The following STRN variants were observed in gnomAD, a reference collection of about 807,000 sequenced individuals.
STRN encodes striatin.
In STRN, 53 loss-of-function variants were observed where a neutral mutation model predicts 96.3. The observed-to-expected ratio is 0.55, with a 90% CI of 0.44 to 0.69. The LOEUF (loss-of-function observed/expected upper bound fraction) is 0.69, where lower values mean the gene tolerates loss of function less well. STRN is among the 30% of genes least tolerant of loss of function. STRN has a pLI of 0.00. For synonymous variants in STRN, 428 were observed against 355.9 expected (o/e 1.20, Z -2.28); for missense variants, 987 against 963.9 (o/e 1.02, Z -0.32).
At position 36,883,980 on chromosome 2, in the gene STRN, G is replaced by A. The variant is rs80243841; in HGVS notation, c.1138C>T (p.Pro380Ser). The change falls in exon 9 of 18, where the codon CCC (proline) becomes TCC (serine). Residue 380 changes from proline (P) to serine (S), a missense_variant. Coordinates refer to ENST00000263918, the MANE Select transcript of STRN (RefSeq NM_003162.4). ...TGTTCAGGAAGCCTGGAGCTGCTGG[G>A]TCTGGAAGGTGAACCCACAGATGGC... ...LQPSVGSPSRPSSSRLPEHEI... is the reference protein window; with the variant it reads ...LQPSVGSPSRSSSSRLPEHEI... The A allele has an allele frequency of 0.021, 30,562 of 1,440,868 alleles. 378 individuals are homozygous for A. Among genetic ancestry groups the A allele is most frequent in the Middle Eastern group, 0.037 (202 of 5,430 alleles). 89.3% of individuals were successfully genotyped at this position (1,440,868 alleles called of 1,614,324 possible).
At position 36,869,569 on chromosome 2, in the gene STRN, G is replaced by A. The variant is rs753493478; in HGVS notation, c.1484C>T (p.Thr495Ile). Residue 495 changes from threonine (T) to isoleucine (I), a missense_variant, in exon 11 of 18, where the codon ACA (threonine) becomes ATA (isoleucine). Transcript: ENST00000263918. ...ATATTCTCACTTTTTGGCTGGGGCT[G>A]TTTTCTGTAAATTCCACATTTTTAA... ...HTLKMWNLQK[T>I]APAKKSTSLD... 8 of 1,564,092 alleles carry A rather than the reference G, an allele frequency of 5.1e-6. No individual in the cohort carries two copies. In the East Asian group the frequency reaches 9.4e-5, roughly 18 times the overall value.
At chr2:36,883,334 G>A (rs976190470) in intron 9 of STRN, among the ~76,000 whole-genome samples, 1 of 152,132 alleles carries the variant, frequency 6.6e-6, no homozygotes, top group Non-Finnish European at 1.5e-5. Context: ...GCAGGTGCCT[G>A]TAATCTCAGC....
intron 3 of STRN, among the ~76,000 whole-genome samples, chr2:36,910,703 A>G (rs1403766808): frequency 5.9e-5 from 9 of 152,246 alleles, no homozygotes; most frequent in Non-Finnish European, 1.2e-4. Flanking sequence ...AACAAAATGA[A>G]TTACAAAGGT....
At chr2:36,876,512 G>C (rs898392963) in intron 10 of STRN, among the ~76,000 whole-genome samples, 1 of 152,146 alleles carries the variant, frequency 6.6e-6, no homozygotes, top group East Asian at 1.9e-4. Context: ...AGAGGAGTGA[G>C]TGGTAAGCAT....
intron 5 of STRN, 35 bp downstream of exon 5, chr2:36,902,549 T>G (rs1254160386): frequency 6.5e-7 from 1 of 1,546,266 alleles, no homozygotes; most frequent in Non-Finnish European, 8.7e-7. Context: ...TAAGAACTAA[T>G]AATAGCTAAA....
At chr2:36,867,731 A>G in intron 12 of STRN, 83 bp downstream of exon 12, 1 of 870,186 alleles carries the variant, frequency 1.1e-6, no homozygotes. Flanking sequence ...AAGAATACCT[A>G]GTAAGTGAAA....
intron 12 of STRN, among the ~76,000 whole-genome samples, chr2:36,867,089 C>G (rs1169006352): frequency 2.0e-5 from 3 of 152,204 alleles, no homozygotes; most frequent in Non-Finnish European, 2.9e-5. Flanking sequence ...GGTTATTACA[C>G]ACACTTGATT....
intron 13 of STRN, among the ~76,000 whole-genome samples, chr2:36,860,571 T>C (rs1363524772): frequency 5.3e-5 from 8 of 152,194 alleles, no homozygotes; most frequent in Non-Finnish European, 1.5e-5. Context: ...AATTCCTAAA[T>C]AGTTTTTACA....
chr2:36,865,630 CG>C (rs1668601948), intron 12 of STRN, among the ~76,000 whole-genome samples: 1 of 152,036 alleles, frequency 6.6e-6, no homozygotes, highest in Admixed American at 6.5e-5. Flanking sequence ...GGTGGCATAT[CG>C]GCTCACTGCA....
At position 36,868,935 on chromosome 2, in the gene STRN, G is replaced by A. The variant is rs113323040; in HGVS notation, c.1499+619C>T. On this transcript the variant is annotated intron_variant, in intron 11 of 17. Coordinates refer to ENST00000263918, the MANE Select transcript of STRN (RefSeq NM_003162.4). ...GGAGCTCCGATAAGGACCCAAGCAA[G>A]TAGAACCAGATTTAGCTTTGTGACT... Among the ~76,000 whole-genome samples the A allele has an allele frequency of 3.6e-3, 534 of 150,236 alleles. 2 individuals carry two copies. The highest frequency in any genetic ancestry group is 0.013 in the African/African-American group (519 of 40,744).
At chr2:36,902,517 C>A in intron 5 of STRN, 67 bp downstream of exon 5, 2 of 1,346,844 alleles carry the variant, frequency 1.5e-6, no homozygotes, top group South Asian at 1.8e-5. Flanking sequence ...CAAGTAATGT[C>A]CATAAAACCA....
intron 6 of STRN, among the ~76,000 whole-genome samples, chr2:36,894,416 G>A (rs1669485995): frequency 6.6e-6 from 1 of 152,078 alleles, no homozygotes; most frequent in South Asian, 2.1e-4. Context: ...ATCTTTCAGA[G>A]TACATCTAAC....
intron 2 of STRN, among the ~76,000 whole-genome samples, chr2:36,922,065 G>T (rs1452317997): frequency 6.6e-6 from 1 of 152,170 alleles, no homozygotes; most frequent in African/African-American, 2.4e-5. Context: ...ATACACAGAG[G>T]TAGTTAGGGA....
chr2:36,966,221 G>A lies in STRN; in HGVS notation c.234+9C>T, dbSNP rs1665157761. On this transcript the variant is annotated intron_variant, in intron 1 of 17. Coordinates refer to ENST00000263918, the MANE Select transcript of STRN (RefSeq NM_003162.4). ...GGGATGAAGACGGCCAGGCCGGGAG[G>A]GTCTTTACCTGCAGCTCCGCCCGCT... 6.4e-7 allele frequency: 1 copy of A among 1,554,826 alleles called. No homozygotes were observed.
At position 36,851,111 on chromosome 2, in the gene STRN, A is replaced by C. The variant is rs1222794166; in HGVS notation, c.1979-4T>G. The C allele has an allele frequency of 3.1e-6, 5 of 1,605,592 alleles. No homozygotes were observed. Among genetic ancestry groups the C allele is most frequent in the Non-Finnish European group, 4.3e-6 (5 of 1,175,480 alleles). On this transcript the variant is annotated splice_region_variant and splice_polypyrimidine_tract_variant and intron_variant, in intron 15 of 17. Transcript: ENST00000263918. ...ATTTGGCAGGAAGAGTTGGCTGCTAAAAAGAAAAAATTAAAAAGCAACACA... is the reference window on the plus strand; with the variant it reads ...ATTTGGCAGGAAGAGTTGGCTGCTACAAAGAAAAAATTAAAAAGCAACACA...
At chr2:36,851,310 C>G (rs967472709) in intron 15 of STRN, among the ~76,000 whole-genome samples, 4 of 151,956 alleles carry the variant, frequency 2.6e-5, no homozygotes, top group Non-Finnish European at 4.4e-5. Context: ...TGGTGAAACC[C>G]TGTCTCTATT....
At chr2:36,963,059 G>A (rs890946809) in intron 1 of STRN, among the ~76,000 whole-genome samples, 1 of 152,056 alleles carries the variant, frequency 6.6e-6, no homozygotes, top group Non-Finnish European at 1.5e-5. Context: ...AATCTCAACT[G>A]GATGTGAGGA....
chr2:36,851,773 G>C (rs1668228067), intron 15 of STRN, among the ~76,000 whole-genome samples: 1 of 152,124 alleles, frequency 6.6e-6, no homozygotes, highest in African/African-American at 2.4e-5. Context: ...TTAAATCTCA[G>C]CTCTTTTTGC....
At chr2:36,879,805 A>G (rs1257198643) in intron 9 of STRN, among the ~76,000 whole-genome samples, 1 of 152,178 alleles carries the variant, frequency 6.6e-6, no homozygotes, top group Non-Finnish European at 1.5e-5. Flanking sequence ...TTTATATTCA[A>G]TCATGTCTAT....
Sources: gnomAD v4.1 joint callset for allele counts (sites outside exome capture counted in the v4.1 genomes callset) on GRCh38, gnomAD v4.1.1 for gene constraint, MANE v1.5 for transcripts, NCBI Gene and HGNC (gene_info 2026-07-23, HGNC 2026-07-21) for gene names.